Variants in YTHDF3 observed in about 807,000 individuals in gnomAD.
YTHDF3 encodes YTH domain-containing family protein 3.
In YTHDF3, 9 loss-of-function variants were observed where a neutral mutation model predicts 52.5. That is an observed-to-expected ratio of 0.17 (90% CI 0.10 to 0.30). The LOEUF is 0.30. Ranked by LOEUF, YTHDF3 falls within the 10% of genes least tolerant of loss-of-function variation. The pLI, the probability that YTHDF3 is intolerant of heterozygous loss-of-function variation, is 1.00. For missense variants in YTHDF3, 534 were observed against 715.0 expected, an observed-to-expected ratio of 0.75 and a Z score of 2.89; for synonymous variants, 274 against 243.3, an observed-to-expected ratio of 1.13 and a Z score of -1.18.
In YTHDF3 at chr8:63,210,088, G is replaced by A; in HGVS notation, c.*382G>A. The stretch of plus-strand genomic sequence containing the variant: ...GGTTCAATGATGTAAGAGTCACACT[G>A]CTTCAACTTTTTCTTTGTTGTAGTT... On this transcript the variant is annotated 3_prime_UTR_variant, in exon 5 of 5. Transcript: ENST00000539294. The A allele has an allele frequency of 6.0e-6, 1 of 167,364 alleles. No homozygotes were observed. Among genetic ancestry groups the A allele is most frequent in the Non-Finnish European group, 1.3e-5 (1 of 78,258 alleles). 10.4% of individuals were successfully genotyped at this position (167,364 alleles called of 1,614,324 possible).
At chr8:63,182,267 T>G (rs148186937) in intron 3 of YTHDF3, among the ~76,000 whole-genome samples, 11 of 143,910 alleles carry the variant, frequency 7.6e-5, no homozygotes, top group African/African-American at 2.8e-4. Flanking sequence ...TTTAATGAGA[T>G]AGTCTCTTGT....
chr8:63,171,829 G>A (rs1435458), intron 2 of YTHDF3, among the ~76,000 whole-genome samples: 46,528 of 152,026 alleles, frequency 0.31, 9,093 homozygotes, highest in East Asian at 0.77. Context: ...TTTTGAACAC[G>A]TAATCCTTTT....
chr8:63,169,014 C>G, intron 1 of YTHDF3, 113 bp downstream of exon 1: 1 of 1,475,220 alleles, frequency 6.8e-7, no homozygotes, highest in Non-Finnish European at 8.9e-7. Flanking sequence ...TAACGGTGCC[C>G]CGGGCGCAAG....
At chr8:63,200,734 G>A (rs1004132890) in intron 4 of YTHDF3, among the ~76,000 whole-genome samples, 3 of 152,106 alleles carry the variant, frequency 2.0e-5, no homozygotes, top group Non-Finnish European at 4.4e-5. Context: ...TTAGATTAAA[G>A]CCTTATTCAA....
chr8:63,176,738 C>T (rs1004927217), intron 3 of YTHDF3, among the ~76,000 whole-genome samples: 14 of 151,136 alleles, frequency 9.3e-5, no homozygotes, highest in African/African-American at 2.9e-4. Flanking sequence ...AGTGCAGTGG[C>T]GCAATCTTGG....
intron 2 of YTHDF3, chr8:63,172,859 T>A: frequency 8.4e-7 from 1 of 1,186,786 alleles, no homozygotes; most frequent in Non-Finnish European, 1.1e-6. Context: ...CTAGCTTGGA[T>A]TTCATTTCTA....
intron 3 of YTHDF3, among the ~76,000 whole-genome samples, chr8:63,182,172 G>A (rs1585751910): frequency 1.3e-5 from 2 of 150,616 alleles, no homozygotes; most frequent in Admixed American, 6.6e-5. Context: ...GGGCCCAAGC[G>A]ATCCTCCCAC....
intron 3 of YTHDF3, among the ~76,000 whole-genome samples, chr8:63,184,197 C>T (rs536653355): frequency 6.6e-6 from 1 of 152,126 alleles, no homozygotes; most frequent in South Asian, 2.1e-4. Flanking sequence ...AAAAATGATA[C>T]AAATAAAAAA....
At chr8:63,188,702 T>TATA (rs71255383) in intron 4 of YTHDF3, 938 of 44,156 alleles carry the variant, frequency 0.021, 3 homozygotes, top group Middle Eastern at 0.029. Flanking sequence ...TATATATATA[T>TATA]TTTTTTTTTT....
At position 63,191,729 on chromosome 8, in the gene YTHDF3, A is replaced by G. The variant is rs139304705; in HGVS notation, c.1734+3984A>G. Among the ~76,000 whole-genome samples the G allele has an allele frequency of 5.3e-3, 811 of 152,218 alleles. 11 individuals carry two copies. Among genetic ancestry groups the G allele is most frequent in the African/African-American group, 0.019 (787 of 41,530 alleles). On this transcript the variant is annotated intron_variant, in intron 4 of 4. Transcript: ENST00000539294. ...TTTGTCCCTATAAGACATTTTCCATATTGTCATAATTGAAATTATGTACTA... is the reference window on the plus strand; with the variant it reads ...TTTGTCCCTATAAGACATTTTCCATGTTGTCATAATTGAAATTATGTACTA...
chr8:63,200,385 A>T (rs1045708852), intron 4 of YTHDF3, among the ~76,000 whole-genome samples: 1 of 150,792 alleles, frequency 6.6e-6, no homozygotes, highest in Non-Finnish European at 1.5e-5. Context: ...CCTCGGCTGA[A>T]TTTTTTTTTA....
chr8:63,178,459 T>C (rs1203401783), intron 3 of YTHDF3, among the ~76,000 whole-genome samples: 1 of 152,242 alleles, frequency 6.6e-6, no homozygotes, highest in Non-Finnish European at 1.5e-5. Flanking sequence ...TGAACCCAAA[T>C]GAATTTTTTC....
intron 4 of YTHDF3, among the ~76,000 whole-genome samples, chr8:63,195,662 G>A (rs532089057): frequency 4.6e-5 from 7 of 152,054 alleles, no homozygotes; most frequent in Non-Finnish European, 1.0e-4. Flanking sequence ...TTTTCAGATG[G>A]AATGGGAGGA....
intron 4 of YTHDF3, among the ~76,000 whole-genome samples, chr8:63,195,071 CT>C (rs1445166170): frequency 6.6e-6 from 1 of 152,196 alleles, no homozygotes; most frequent in Non-Finnish European, 1.5e-5. Flanking sequence ...CAACAAGGCT[CT>C]TCCTGTGGAG....
rs56925914 is a variant in YTHDF3, at chr8:63,179,330, A to G, written c.135+3914A>G. 4.3e-3 allele frequency among the ~76,000 whole-genome samples: 654 copies of G among 152,232 alleles called. 5 individuals are homozygous for G. The highest frequency in any genetic ancestry group is 0.015 in the African/African-American group (629 of 41,532). On this transcript the variant is annotated intron_variant, in intron 3 of 4. Coordinates refer to ENST00000539294, the MANE Select transcript of YTHDF3 (RefSeq NM_152758.6). Reference sequence around the variant, plus strand: ...AGGTCAGCAGATAAACAAGTGAACAAAGGTCTCTGGTTTTCCTAGGCAGAG... The same window carrying G: ...AGGTCAGCAGATAAACAAGTGAACAGAGGTCTCTGGTTTTCCTAGGCAGAG...
At chr8:63,196,275 T>TAA (rs1809231883) in intron 4 of YTHDF3, among the ~76,000 whole-genome samples, 1 of 149,326 alleles carries the variant, frequency 6.7e-6, no homozygotes, top group African/African-American at 2.5e-5. Context: ...AAAAAAAAAT[T>TAA]AAAGGCTGGG....
Position 63,209,820 on chromosome 8 carries a change from AAC to A in YTHDF3, c.*117_*118del. 2.9e-6 allele frequency: 3 copies of A among 1,019,806 alleles called. No homozygotes were observed. In the South Asian group the frequency reaches 5.0e-5, roughly 17 times the overall value. The allele number at this position is 1,019,806 out of a possible 1,614,324, so 63.2% of individuals were successfully genotyped here. On this transcript the variant is annotated 3_prime_UTR_variant, in exon 5 of 5. Transcript: ENST00000539294. ...TTTTCTGCTTAAGGTGACATCTTTG[AAC>A]ACTTTAACACAAAGTTGACTCTTCT...
intron 4 of YTHDF3, among the ~76,000 whole-genome samples, chr8:63,197,620 G>A (rs573232767): frequency 6.6e-6 from 1 of 151,946 alleles, no homozygotes; most frequent in Non-Finnish European, 1.5e-5. Flanking sequence ...GAGAGGAGAA[G>A]AGAAGTGGGA....
At chr8:63,204,895 G>A (rs1809912387) in intron 4 of YTHDF3, among the ~76,000 whole-genome samples, 1 of 152,124 alleles carries the variant, frequency 6.6e-6, no homozygotes, top group African/African-American at 2.4e-5. Flanking sequence ...AAGATTACAA[G>A]GAAAATAAGT....
Sources: gnomAD v4.1 joint callset for allele counts (sites outside exome capture counted in the v4.1 genomes callset) on GRCh38, gnomAD v4.1.1 for gene constraint, MANE v1.5 for transcripts, NCBI Gene and HGNC (gene_info 2026-07-23, HGNC 2026-07-21) for gene names.